The following NAA15 variants were observed in gnomAD, a reference collection of about 807,000 sequenced individuals.
NAA15 encodes the protein N-alpha-acetyltransferase 15, NatA auxiliary subunit, also known as N-terminal acetyltransferase.
In NAA15, 34 loss-of-function variants were observed where a neutral mutation model predicts 114.0. The observed-to-expected ratio is 0.30, with a 90% CI of 0.23 to 0.40. The LOEUF (loss-of-function observed/expected upper bound fraction) is 0.40. Ranked by LOEUF, NAA15 falls within the 10% of genes least tolerant of loss-of-function variation. NAA15 has a pLI of 1.00. For missense variants in NAA15, 658 were observed against 1,004.5 expected (o/e 0.66, Z 4.66); for synonymous variants, 340 against 338.0 (o/e 1.01, Z -0.06).
At chr4:139,302,950 T>G (rs1745859185) in intron 1 of NAA15, among the ~76,000 whole-genome samples, 1 of 152,214 alleles carries the variant, frequency 6.6e-6, no homozygotes, top group Non-Finnish European at 1.5e-5. Context: ...ATTTAAGACT[T>G]TTAAAATTTG....
At chr4:139,317,668 T>A (rs1383868731) in intron 1 of NAA15, among the ~76,000 whole-genome samples, 1 of 152,168 alleles carries the variant, frequency 6.6e-6, no homozygotes, top group East Asian at 1.9e-4. Flanking sequence ...CATTAACCTA[T>A]AGGGGACTTA....
rs913296727 is a variant in NAA15 at position 139,318,132 on chromosome 4, A to T, written c.55-16042A>T. The stretch of plus-strand genomic sequence containing the variant: ...AAACTTCCAAAGATAAAGACCAATG[A>T]CGCCCTAATGCTTGTACTCCACAAA... On this transcript the variant is annotated intron_variant, in intron 1 of 19. Coordinates refer to ENST00000296543, the MANE Select transcript of NAA15 (RefSeq NM_057175.5). Among the ~76,000 whole-genome samples the T allele has an allele frequency of 6.6e-5, 10 of 152,304 alleles. No individual in the cohort carries two copies. In the East Asian group the frequency reaches 1.9e-3, roughly 29 times the overall value.
chr4:139,324,343 G>T (rs920563055), intron 1 of NAA15, among the ~76,000 whole-genome samples: 5 of 152,182 alleles, frequency 3.3e-5, no homozygotes, highest in African/African-American at 7.2e-5. Flanking sequence ...AGGTGTTACA[G>T]GTAGGAGGAC....
intron 1 of NAA15, among the ~76,000 whole-genome samples, chr4:139,331,976 G>A (rs1747026470): frequency 6.6e-6 from 1 of 152,018 alleles, no homozygotes; most frequent in Non-Finnish European, 1.5e-5. Context: ...TCTGTCATGA[G>A]CTTATGATTA....
At chr4:139,336,727 T>C in intron 2 of NAA15, 121 bp from the exon 3 acceptor site, 1 of 479,950 alleles carries the variant, frequency 2.1e-6, no homozygotes, top group Non-Finnish European at 3.4e-6. Flanking sequence ...AGTAATCTCC[T>C]TGACATTTTT....
intron 10 of NAA15, among the ~76,000 whole-genome samples, chr4:139,355,253 T>A (rs1747912832): frequency 6.6e-6 from 1 of 152,204 alleles, no homozygotes; most frequent in Non-Finnish European, 1.5e-5. Flanking sequence ...TGCCATTTTT[T>A]TTTTGCCTTT....
chr4:139,356,931 G>A (rs1747971562), intron 10 of NAA15, among the ~76,000 whole-genome samples: 1 of 3,128 alleles, frequency 3.2e-4, no homozygotes, highest in African/African-American at 3.2e-3. Flanking sequence ...CACATTACAA[G>A]TATATTTTAT....
chr4:139,380,072 C>T (rs942012302), intron 17 of NAA15, among the ~76,000 whole-genome samples: 1 of 152,120 alleles, frequency 6.6e-6, no homozygotes, highest in Non-Finnish European at 1.5e-5. Context: ...ATCGTTTTGA[C>T]TTTCCAGAAA....
chr4:139,385,185 G>A (rs1003514650), intron 18 of NAA15, among the ~76,000 whole-genome samples: 1 of 150,122 alleles, frequency 6.7e-6, no homozygotes, highest in Non-Finnish European at 1.5e-5. Flanking sequence ...AGGATGCTGA[G>A]GCAGAAGGAT....
intron 16 of NAA15, among the ~76,000 whole-genome samples, 194 bp from the exon 17 acceptor site, chr4:139,378,562 G>A (rs1029870834): frequency 2.6e-5 from 4 of 151,978 alleles, no homozygotes; most frequent in African/African-American, 7.3e-5. Flanking sequence ...TTCACAAAAC[G>A]TTTTTTCTTA....
rs1479488619 is a variant in NAA15, at chr4:139,311,760, A to T, written c.54+9929A>T. The stretch of plus-strand genomic sequence containing the variant: ...CACGAAGTCAGGGTTGATGACCACT[A>T]TATATGATATTAAGAAATAGACCTG... On this transcript the variant is annotated intron_variant, in intron 1 of 19. Coordinates refer to ENST00000296543, the MANE Select transcript of NAA15 (RefSeq NM_057175.5). Among the ~76,000 whole-genome samples, 2 of 151,864 alleles carry T rather than the reference A, an allele frequency of 1.3e-5. 1 individual carries two copies. Among genetic ancestry groups the T allele is most frequent in the African/African-American group, 4.8e-5 (2 of 41,294 alleles).
intron 6 of NAA15, 110 bp downstream of exon 6, chr4:139,344,449 G>T: frequency 1.2e-6 from 1 of 825,504 alleles, no homozygotes; most frequent in Admixed American, 2.6e-5. Flanking sequence ...TTGATGATAG[G>T]AAATCTATTT....
rs34989554 is a variant in NAA15, at chr4:139,377,538, CAA to C, written c.2056+1075_2056+1076del. 1.2e-3 allele frequency among the ~76,000 whole-genome samples: 162 copies of C among 140,770 alleles called. 1 individual carries two copies. Among genetic ancestry groups the C allele is most frequent in the African/African-American group, 4.1e-3 (158 of 38,776 alleles). 92.4% of individuals were successfully genotyped at this position (140,770 alleles called of 152,430 possible). On this transcript the variant is annotated intron_variant, in intron 16 of 19. Transcript: ENST00000296543. Reference sequence around the variant, plus strand: ...GGGAAACAAGAATCAAACTCCATCTCAAAAAAAAAAAGGTCATGTTTATCAAA... The same window carrying C: ...GGGAAACAAGAATCAAACTCCATCTCAAAAAAAAAGGTCATGTTTATCAAA...
At chr4:139,309,545 A>C (rs1305529786) in intron 1 of NAA15, among the ~76,000 whole-genome samples, 1 of 151,618 alleles carries the variant, frequency 6.6e-6, no homozygotes, top group East Asian at 1.9e-4. Flanking sequence ...CAAGTAGCTG[A>C]GATTATGGTA....
At chr4:139,301,883 G>A (rs776320109) in intron 1 of NAA15, 52 bp downstream of exon 1, 21 of 1,544,622 alleles carry the variant, frequency 1.4e-5, no homozygotes, top group Non-Finnish European at 1.5e-5. Flanking sequence ...CGGTAACCGG[G>A]CCTGTCACCC....
chr4:139,347,892 C>T (rs1032369778), intron 6 of NAA15, among the ~76,000 whole-genome samples: 30 of 151,264 alleles, frequency 2.0e-4, no homozygotes, highest in Middle Eastern at 3.4e-3. Flanking sequence ...ATTAGCCGGG[C>T]GCGGTGGCGG....
chr4:139,359,388 A>C (rs530698267), intron 11 of NAA15, among the ~76,000 whole-genome samples: 3 of 152,184 alleles, frequency 2.0e-5, no homozygotes, highest in African/African-American at 7.2e-5. Context: ...CGGCCTCCCA[A>C]AGTGCTGGGA....
At chr4:139,324,421 A>G (rs139910619) in intron 1 of NAA15, among the ~76,000 whole-genome samples, 1 of 152,212 alleles carries the variant, frequency 6.6e-6, no homozygotes, top group East Asian at 1.9e-4. Flanking sequence ...AATTTCAAGA[A>G]CTCCCCAAAC....
rs1015012137 is a variant in NAA15 at position 139,388,801 on chromosome 4, C to T, written c.*717C>T. 1 of 152,576 alleles carries T rather than the reference C, an allele frequency of 6.6e-6. No individual in the cohort carries two copies. Among genetic ancestry groups the T allele is most frequent in the African/African-American group, 2.4e-5 (1 of 41,432 alleles). The allele number at this position is 152,576 out of a possible 1,614,324, so 9.5% of individuals were successfully genotyped here. A position where few individuals can be genotyped will look rare whatever the true frequency, so the allele number is the denominator to read the frequency against. ...TCAATTTTAACTAAAACTTGAAGAA[C>T]TAAAACAACAATGCAAACCTTTCAG... is the stretch of plus-strand genomic sequence containing the variant. On this transcript the variant is annotated 3_prime_UTR_variant, in exon 20 of 20. Coordinates refer to ENST00000296543, the MANE Select transcript of NAA15 (RefSeq NM_057175.5).
Sources: gnomAD v4.1 joint callset for allele counts (sites outside exome capture counted in the v4.1 genomes callset) on GRCh38, gnomAD v4.1.1 for gene constraint, MANE v1.5 for transcripts, NCBI Gene and HGNC (gene_info 2026-07-23, HGNC 2026-07-21) for gene names.